PTPRG: variants seen among roughly 807,000 people sequenced by gnomAD.
The protein encoded by PTPRG is protein tyrosine phosphatase receptor type G, also known as receptor-type tyrosine-protein phosphatase gamma.
Under a neutral mutation model 165.3 loss-of-function variants are expected in PTPRG, and 102 were observed. That is an observed-to-expected ratio of 0.62 (90% CI 0.53 to 0.73). The LOEUF (loss-of-function observed/expected upper bound fraction) is 0.73, where lower values mean the gene tolerates loss of function less well. Ranked by LOEUF, PTPRG falls within the 30% of genes least tolerant of loss-of-function variation. The probability of loss-of-function intolerance (pLI) is 0.00; values close to 1 mark genes in which losing one functional copy is unlikely to be tolerated. For missense variants in PTPRG, 1,866 were observed against 1,861.4 expected, an observed-to-expected ratio of 1.00 and a Z score of -0.05; for synonymous variants, 675 against 669.5, an observed-to-expected ratio of 1.01 and a Z score of -0.13.
intron 4 of PTPRG, among the ~76,000 whole-genome samples, chr3:62,021,535 G>A (rs773420528): frequency 7.2e-5 from 11 of 152,042 alleles, no homozygotes; most frequent in Middle Eastern, 3.2e-3. Context: ...ACATTGTCTC[G>A]GCCTTCATGA....
intron 1 of PTPRG, among the ~76,000 whole-genome samples, chr3:61,639,559 A>G (rs1282872319): frequency 6.7e-6 from 1 of 149,294 alleles, no homozygotes; most frequent in African/African-American, 2.5e-5. Flanking sequence ...AGGTTTTTCC[A>G]TTTGTTTGTG....
chr3:62,007,035 T>C (rs2041314351), intron 4 of PTPRG, among the ~76,000 whole-genome samples: 1 of 152,250 alleles, frequency 6.6e-6, no homozygotes. Flanking sequence ...GCCTTATGTG[T>C]AACAGCATTG....
chr3:61,734,618 A>G (rs1261152420), intron 1 of PTPRG, among the ~76,000 whole-genome samples: 1 of 152,214 alleles, frequency 6.6e-6, no homozygotes, highest in Non-Finnish European at 1.5e-5. Context: ...TTTGCTGTCT[A>G]TAAATCAAAG....
chr3:61,742,131 C>G (rs955806673), intron 1 of PTPRG, among the ~76,000 whole-genome samples: 4 of 152,112 alleles, frequency 2.6e-5, no homozygotes, highest in Non-Finnish European at 5.9e-5. Flanking sequence ...AGAGTTAACA[C>G]AGCTTGCAAG....
intron 1 of PTPRG, among the ~76,000 whole-genome samples, chr3:61,605,695 A>C (rs1014944414): frequency 6.6e-6 from 1 of 152,038 alleles, no homozygotes; most frequent in Non-Finnish European, 1.5e-5. Context: ...CTGCCTCCCA[A>C]GTAGCTGGGA....
chr3:62,164,996 A>G (rs1009447244), intron 7 of PTPRG, among the ~76,000 whole-genome samples: 39 of 152,276 alleles, frequency 2.6e-4, no homozygotes, highest in African/African-American at 9.1e-4. Flanking sequence ...AGCCCAGTCC[A>G]TTTCTCTAAA....
intron 1 of PTPRG, among the ~76,000 whole-genome samples, chr3:61,590,893 C>T (rs1365502063): frequency 2.6e-5 from 4 of 151,810 alleles, no homozygotes; most frequent in Admixed American, 6.6e-5. Context: ...CCAGATCACT[C>T]GAGGTCAGGA....
chr3:61,973,139 G>T (rs1031858705), intron 2 of PTPRG, among the ~76,000 whole-genome samples: 1 of 152,170 alleles, frequency 6.6e-6, no homozygotes, highest in Non-Finnish European at 1.5e-5. Flanking sequence ...AATGAAAGCT[G>T]ATTACAGCAT....
intron 1 of PTPRG, among the ~76,000 whole-genome samples, chr3:61,603,992 G>T (rs1050006042): frequency 9.2e-5 from 14 of 152,166 alleles, no homozygotes; most frequent in Admixed American, 7.9e-4. Flanking sequence ...CTGGGCATTA[G>T]AACTTTAGCA....
chr3:61,868,276 G>T (rs1479711644), intron 2 of PTPRG, among the ~76,000 whole-genome samples: 1 of 152,172 alleles, frequency 6.6e-6, no homozygotes, highest in Non-Finnish European at 1.5e-5. Context: ...AGAGTTTCAG[G>T]TATCTTTTCT....
At position 61,732,243 on chromosome 3, in the gene PTPRG, G is replaced by A. The variant is rs141455041; in HGVS notation, c.86-16635G>A. Among the ~76,000 whole-genome samples, 664 of 152,260 alleles carry A rather than the reference G, an allele frequency of 4.4e-3. 5 individuals carry two copies. Among genetic ancestry groups the A allele is most frequent in the African/African-American group, 0.014 (583 of 41,558 alleles). ...TAATCAGAATTTTAAAAATGTTGAT[G>A]AGATATTTTGCCTTTTTGTTTCTTA... On this transcript the variant is annotated intron_variant, in intron 1 of 29. Coordinates refer to ENST00000474889, the MANE Select transcript of PTPRG (RefSeq NM_002841.4).
intron 2 of PTPRG, among the ~76,000 whole-genome samples, chr3:61,930,040 AT>A (rs11437496): frequency 4.3e-3 from 589 of 136,896 alleles, no homozygotes; most frequent in Admixed American, 4.7e-3. Flanking sequence ...ATAATGCGGT[AT>A]TTTTTTTTTT....
At chr3:61,729,117 C>T (rs1411024751) in intron 1 of PTPRG, among the ~76,000 whole-genome samples, 1 of 151,992 alleles carries the variant, frequency 6.6e-6, no homozygotes, top group African/African-American at 2.4e-5. Context: ...CTGTAAGTAG[C>T]TAAAGGGGCT....
intron 1 of PTPRG, among the ~76,000 whole-genome samples, chr3:61,584,307 T>C (rs1559512304): frequency 6.6e-6 from 1 of 152,208 alleles, no homozygotes; most frequent in Admixed American, 6.5e-5. Context: ...AGATGAATGC[T>C]GAGCTGTGTG....
intron 2 of PTPRG, among the ~76,000 whole-genome samples, chr3:61,816,657 G>A (rs1444683969): frequency 6.6e-6 from 1 of 152,050 alleles, no homozygotes; most frequent in Non-Finnish European, 1.5e-5. Context: ...AATCCCAATG[G>A]CTACATGTAT....
intron 16 of PTPRG, chr3:62,260,733 G>A (rs1233156761): frequency 1.3e-5 from 2 of 152,096 alleles, no homozygotes; most frequent in Non-Finnish European, 2.9e-5. Flanking sequence ...TTCTGATAGA[G>A]AAAAGCCACT....
chr3:61,598,461 C>T (rs536667174), intron 1 of PTPRG, among the ~76,000 whole-genome samples: 2 of 152,238 alleles, frequency 1.3e-5, no homozygotes, highest in East Asian at 3.9e-4. Context: ...CTGTCCCCGT[C>T]CTGTCTCTTA....
At chr3:61,918,147 G>T (rs1034302960) in intron 2 of PTPRG, among the ~76,000 whole-genome samples, 1 of 152,078 alleles carries the variant, frequency 6.6e-6, no homozygotes, top group African/African-American at 2.4e-5. Context: ...AAGGCAGGAT[G>T]GTGGAGAGAA....
chr3:62,199,033 C>T (rs974881375), intron 10 of PTPRG, among the ~76,000 whole-genome samples: 21 of 152,192 alleles, frequency 1.4e-4, no homozygotes, highest in Admixed American at 2.6e-4. Flanking sequence ...TTGTTCAAGA[C>T]CAGTGGAAAG....
Sources: allele counts gnomAD v4.1 joint callset (sites outside exome capture counted in the v4.1 genomes callset), GRCh38; gene constraint gnomAD v4.1.1; transcripts MANE v1.5; gene names NCBI Gene and HGNC (gene_info 2026-07-23, HGNC 2026-07-21).